Variants in AFF3 observed in about 807,000 individuals in gnomAD.
AFF3 encodes the protein ALF transcription elongation factor 3, also known as AF4/FMR2 family member 3.
AFF3 carries 32 observed loss-of-function variants against 129.7 expected under a neutral mutation model. The ratio of observed to expected loss-of-function variants is 0.25; its 90% CI spans 0.19 to 0.33. AFF3 has a LOEUF of 0.33. AFF3 is among the 10% of genes least tolerant of loss of function. The pLI, the probability that AFF3 is intolerant of heterozygous loss-of-function variation, is 1.00. For synonymous variants in AFF3, 644 were observed against 635.4 expected, an observed-to-expected ratio of 1.01 and a Z score of -0.20; for missense variants, 1,373 against 1,592.0, an observed-to-expected ratio of 0.86 and a Z score of 2.34.
intron 4 of AFF3, among the ~76,000 whole-genome samples, chr2:100,011,004 G>C (rs1573102436): frequency 6.6e-6 from 1 of 152,338 alleles, no homozygotes; most frequent in East Asian, 1.9e-4. Context: ...GCCGGGCGCT[G>C]TGGCTCATGC....
At chr2:99,867,879 C>T (rs549621417) in intron 7 of AFF3, among the ~76,000 whole-genome samples, 38 of 152,316 alleles carry the variant, frequency 2.5e-4, no homozygotes, top group African/African-American at 7.9e-4. Flanking sequence ...CACTTCATTA[C>T]GCCAGACTTC....
At chr2:99,955,888 G>C (rs1402168801) in intron 7 of AFF3, among the ~76,000 whole-genome samples, 1 of 152,144 alleles carries the variant, frequency 6.6e-6, no homozygotes, top group Non-Finnish European at 1.5e-5. Flanking sequence ...TCTCTACATA[G>C]AGGCAGTTGT....
intron 7 of AFF3, among the ~76,000 whole-genome samples, chr2:99,860,413 G>A (rs573451708): frequency 1.3e-5 from 2 of 152,220 alleles, no homozygotes; most frequent in East Asian, 1.9e-4. Context: ...AACTAGCCAG[G>A]GGTGGTGGCG....
At chr2:99,614,624 G>A (rs1366839997) in intron 13 of AFF3, among the ~76,000 whole-genome samples, 2 of 152,202 alleles carry the variant, frequency 1.3e-5, no homozygotes, top group Non-Finnish European at 2.9e-5. Context: ...TTGCTTAGAG[G>A]GGCGCTTTGG....
chr2:100,093,276 T>C (rs1337247757), intron 4 of AFF3, among the ~76,000 whole-genome samples: 4 of 147,316 alleles, frequency 2.7e-5, no homozygotes, highest in African/African-American at 9.9e-5. Flanking sequence ...CCAGCTAATA[T>C]TTCTGTAGAG....
At chr2:99,699,091 T>C (rs947396924) in intron 11 of AFF3, among the ~76,000 whole-genome samples, 3 of 152,246 alleles carry the variant, frequency 2.0e-5, no homozygotes, top group Non-Finnish European at 4.4e-5. Context: ...ACATGTGGTT[T>C]CTGTGGATGA....
intron 7 of AFF3, among the ~76,000 whole-genome samples, chr2:99,876,948 C>A (rs535976989): frequency 6.6e-6 from 1 of 152,038 alleles, no homozygotes; most frequent in African/African-American, 2.4e-5. Context: ...TGCTTAAAGT[C>A]GAGTTGGATT....
chr2:100,102,475 G>T (rs1468770018), intron 4 of AFF3, among the ~76,000 whole-genome samples: 3 of 152,136 alleles, frequency 2.0e-5, no homozygotes, highest in African/African-American at 7.2e-5. Flanking sequence ...TAAAAAACGT[G>T]TAAGTTTTTG....
chr2:99,681,663 G>A (rs1230786949), intron 11 of AFF3, among the ~76,000 whole-genome samples: 1 of 152,162 alleles, frequency 6.6e-6, no homozygotes, highest in Non-Finnish European at 1.5e-5. Context: ...GACCCAGCTC[G>A]TAGGTGCTGT....
At chr2:99,583,689 C>CTTTATAT (rs1677806155) in intron 16 of AFF3, among the ~76,000 whole-genome samples, 1 of 146,216 alleles carries the variant, frequency 6.8e-6, no homozygotes, top group Admixed American at 6.8e-5. Flanking sequence ...TTCTACACTT[C>CTTTATAT]TTTTTATTTT....
rs1253875082 is a variant in AFF3, at chr2:100,105,564, C to T, written c.-125G>A. 7.5e-7 allele frequency: 1 copy of T among 1,332,600 alleles called. No individual in the cohort carries two copies. The highest frequency in any genetic ancestry group is 1.5e-5 in the African/African-American group (1 of 66,814). 82.5% of individuals were successfully genotyped at this position (1,332,600 alleles called of 1,614,324 possible). ...TTCAAACTTGCCGCCCGTCTCCGGT[C>T]TGGAAAGGCAGGTGATCAGCTAGAA... On this transcript the variant is annotated 5_prime_UTR_variant, in exon 3 of 25. Transcript: ENST00000672756.
chr2:100,104,795 T>TGCAGCCGCC, intron 3 of AFF3: 6 of 721,780 alleles, frequency 8.3e-6, no homozygotes, highest in Non-Finnish European at 9.5e-6. Flanking sequence ...GGCCCGCTGC[T>TGCAGCCGCC]GCAGCCGCCG....
At position 99,672,556 on chromosome 2, in the gene AFF3, A is replaced by C; in HGVS notation, c.1125T>G (p.Asp375Glu). Residue 375 changes from aspartate (D) to glutamate (E), a missense_variant, in exon 12 of 25, where the codon GAT becomes GAG. Physicochemically the swap from Asp to Glu is conservative, Grantham distance 45 (BLOSUM62 2). Transcript: ENST00000672756. ...ATCTTACCTGTTCATTCTCCTCTTC[A>C]TCACTGCTTAGCTTAAGGTCATCTT... ...MLEDDLKLSSDEEENEQQAAQ... is the reference protein window; with the variant it reads ...MLEDDLKLSSEEEENEQQAAQ... The C allele has an allele frequency of 6.2e-7, 1 of 1,614,164 alleles. No individual in the cohort carries two copies. Among genetic ancestry groups the C allele is most frequent in the Non-Finnish European group, 8.5e-7 (1 of 1,180,014 alleles).
At chr2:99,844,434 CTTTTTTTTT>C (rs984233053) in intron 7 of AFF3, among the ~76,000 whole-genome samples, 6 of 92,464 alleles carry the variant, frequency 6.5e-5, no homozygotes, top group Non-Finnish European at 9.8e-5. Context: ...TTTTTCTTTT[CTTTTTTTTT>C]TTTTTTTTTT....
intron 11 of AFF3, among the ~76,000 whole-genome samples, chr2:99,706,368 T>A (rs1382075287): frequency 6.6e-6 from 1 of 152,154 alleles, no homozygotes; most frequent in Non-Finnish European, 1.5e-5. Flanking sequence ...AACTTTACAC[T>A]TTTCTCCTAT....
rs557808822 is a variant in AFF3, at chr2:99,945,629, C to T, written c.873+61003G>A. Among the ~76,000 whole-genome samples, 14 of 152,312 alleles carry T rather than the reference C, an allele frequency of 9.2e-5. No individual in the cohort carries two copies. The South Asian group carries it at 2.7e-3, about 29-fold the overall frequency. On this transcript the variant is annotated intron_variant, in intron 7 of 24. Transcript: ENST00000672756. ...AATGAGAAACTCTCCATCGGCCTCA[C>T]CCTCACTGGAGAAATTGTATGTGAT...
chr2:99,934,827 G>C (rs928323352), intron 7 of AFF3, among the ~76,000 whole-genome samples: 19 of 152,176 alleles, frequency 1.2e-4, no homozygotes, highest in East Asian at 1.9e-4. Context: ...AGGAGAAAGT[G>C]AATCTGTGCT....
intron 12 of AFF3, among the ~76,000 whole-genome samples, chr2:99,668,847 C>A (rs1302364753): frequency 6.6e-6 from 1 of 152,314 alleles, no homozygotes; most frequent in Non-Finnish European, 1.5e-5. Context: ...CAGGCCTGAG[C>A]CACTGTGGCC....
At chr2:99,743,568 TCC>T (rs1271496271) in intron 10 of AFF3, among the ~76,000 whole-genome samples, 1 of 152,176 alleles carries the variant, frequency 6.6e-6, no homozygotes, top group Non-Finnish European at 1.5e-5. Context: ...AATGATAGCA[TCC>T]TCTCTTTGAC....
Sources: allele counts gnomAD v4.1 joint callset (sites outside exome capture counted in the v4.1 genomes callset), GRCh38; gene constraint gnomAD v4.1.1; transcripts MANE v1.5; gene names NCBI Gene and HGNC (gene_info 2026-07-23, HGNC 2026-07-21).